Variants in DYNC1I1 observed in about 807,000 individuals in gnomAD.
DYNC1I1 encodes dynein cytoplasmic 1 intermediate chain 1, also known as cytoplasmic dynein 1 intermediate chain 1.
A neutral mutation model predicts 86.6 loss-of-function variants in DYNC1I1; 43 were observed. That is an observed-to-expected ratio of 0.50 (90% CI 0.39 to 0.64). DYNC1I1 has a LOEUF of 0.64. Among genes scored for constraint, DYNC1I1 ranks in the 30% least tolerant of loss-of-function variants. DYNC1I1 has a pLI of 0.00. For synonymous variants in DYNC1I1, 262 were observed against 283.7 expected (o/e 0.92, Z 0.77); for missense variants, 604 against 788.8 (o/e 0.77, Z 2.81).
chr7:95,845,921 A>G (rs796375764), intron 5 of DYNC1I1, among the ~76,000 whole-genome samples: 5 of 152,310 alleles, frequency 3.3e-5, no homozygotes, highest in African/African-American at 9.6e-5. Flanking sequence ...GTAAGCAATT[A>G]TAGGGCATTT....
intron 6 of DYNC1I1, among the ~76,000 whole-genome samples, chr7:95,959,104 G>A (rs982518197): frequency 2.0e-5 from 3 of 152,132 alleles, no homozygotes; most frequent in South Asian, 2.1e-4. Flanking sequence ...GCAGGTAGAC[G>A]GAGCAGTGGG....
intron 14 of DYNC1I1, among the ~76,000 whole-genome samples, chr7:96,066,358 C>G (rs1789987498): frequency 6.6e-6 from 1 of 152,222 alleles, no homozygotes; most frequent in African/African-American, 2.4e-5. Context: ...CACCCCCAAT[C>G]TTCAAATTCC....
At chr7:96,027,799 T>C (rs1024588211) in intron 10 of DYNC1I1, among the ~76,000 whole-genome samples, 1 of 152,204 alleles carries the variant, frequency 6.6e-6, no homozygotes, top group African/African-American at 2.4e-5. Context: ...AATTGCTTAG[T>C]AAAGGCTTTA....
chr7:95,942,226 C>A (rs915389500), intron 6 of DYNC1I1, among the ~76,000 whole-genome samples: 4 of 152,042 alleles, frequency 2.6e-5, no homozygotes, highest in Non-Finnish European at 4.4e-5. Context: ...AACTACCATC[C>A]GAGAATACTA....
intron 5 of DYNC1I1, among the ~76,000 whole-genome samples, chr7:95,834,782 A>T: frequency 7.9e-6 from 1 of 126,714 alleles, no homozygotes; most frequent in East Asian, 2.7e-4. Flanking sequence ...GTATTCTCTG[A>T]TGGTAGTTTG....
At chr7:95,972,712 C>T (rs1037077890) in intron 6 of DYNC1I1, among the ~76,000 whole-genome samples, 4 of 152,164 alleles carry the variant, frequency 2.6e-5, no homozygotes, top group African/African-American at 9.7e-5. Context: ...CTGTCTACGT[C>T]GGCTTCATTC....
chr7:95,975,096 C>T (rs1793269577), intron 6 of DYNC1I1, among the ~76,000 whole-genome samples: 1 of 152,122 alleles, frequency 6.6e-6, no homozygotes, highest in Admixed American at 6.6e-5. Context: ...TAAAACTGGG[C>T]TAATGGTACT....
intron 15 of DYNC1I1, among the ~76,000 whole-genome samples, chr7:96,079,576 C>T (rs1562997179): frequency 6.6e-6 from 1 of 152,110 alleles, no homozygotes; most frequent in African/African-American, 2.4e-5. Context: ...ACCTCCAGTT[C>T]ACTTTAATTA....
At chr7:96,085,309 A>AAC (rs764340053) in intron 16 of DYNC1I1, among the ~76,000 whole-genome samples, 3 of 152,298 alleles carry the variant, frequency 2.0e-5, no homozygotes, top group Non-Finnish European at 4.4e-5. Context: ...TGAAGGGGTA[A>AAC]ACACAGGATT....
chr7:95,815,684 G>A (rs1173101318), intron 4 of DYNC1I1, among the ~76,000 whole-genome samples: 3 of 151,914 alleles, frequency 2.0e-5, no homozygotes, highest in African/African-American at 7.3e-5. Context: ...CAGGAGACTG[G>A]GAAAAGAGTT....
chr7:96,102,757 A>G (rs1192544023), downstream of DYNC1I1, among the ~76,000 whole-genome samples: 4 of 152,128 alleles, frequency 2.6e-5, no homozygotes, highest in African/African-American at 9.7e-5. Flanking sequence ...GTGGTATAGA[A>G]TTTTTGGCAA....
At chr7:96,057,193 C>T (rs922153163) in intron 14 of DYNC1I1, among the ~76,000 whole-genome samples, 1 of 152,126 alleles carries the variant, frequency 6.6e-6, no homozygotes, top group African/African-American at 2.4e-5. Context: ...TGGGTTTTGA[C>T]TGGAACTGGA....
chr7:95,853,495 A>G (rs987085916), intron 5 of DYNC1I1, among the ~76,000 whole-genome samples: 3 of 152,218 alleles, frequency 2.0e-5, no homozygotes, highest in Non-Finnish European at 4.4e-5. Flanking sequence ...TTCATTATAA[A>G]TTAGCCAGTT....
chr7:96,083,370 C>T (rs2299287), intron 16 of DYNC1I1, among the ~76,000 whole-genome samples: 7,749 of 152,058 alleles, frequency 0.051, 310 homozygotes, highest in East Asian at 0.23. Flanking sequence ...TATTCTAAAT[C>T]GCTGAAGACC....
At chr7:95,964,323 T>G (rs1792950821) in intron 6 of DYNC1I1, among the ~76,000 whole-genome samples, 1 of 152,200 alleles carries the variant, frequency 6.6e-6, no homozygotes, top group South Asian at 2.1e-4. Context: ...GAACCAGATC[T>G]GTGTGGTTGT....
intron 4 of DYNC1I1, among the ~76,000 whole-genome samples, chr7:95,819,388 GT>G (rs1795024318): frequency 6.6e-6 from 1 of 152,058 alleles, no homozygotes; most frequent in South Asian, 2.1e-4. Flanking sequence ...AGAAAAATGT[GT>G]TCTGGGGCCA....
chr7:96,059,229 A>G (rs1789686183), intron 14 of DYNC1I1, among the ~76,000 whole-genome samples: 1 of 152,144 alleles, frequency 6.6e-6, no homozygotes, highest in Non-Finnish European at 1.5e-5. Flanking sequence ...TTTTTCCAGT[A>G]GGGCACATCA....
intron 10 of DYNC1I1, among the ~76,000 whole-genome samples, chr7:96,024,240 G>A (rs545258903): frequency 7.9e-5 from 12 of 152,028 alleles, no homozygotes; most frequent in Non-Finnish European, 1.3e-4. Context: ...TTCCACTTAC[G>A]TAAACTACTT....
intron 6 of DYNC1I1, among the ~76,000 whole-genome samples, chr7:95,887,732 G>C (rs1219881898): frequency 6.6e-6 from 1 of 152,144 alleles, no homozygotes; most frequent in Non-Finnish European, 1.5e-5. Context: ...GATGATGCTT[G>C]AATTGAGTTC....
Sources: allele counts gnomAD v4.1 joint callset (sites outside exome capture counted in the v4.1 genomes callset), GRCh38; gene constraint gnomAD v4.1.1; transcripts MANE v1.5; gene names NCBI Gene and HGNC (gene_info 2026-07-23, HGNC 2026-07-21).